GRM7: variants seen among roughly 807,000 people sequenced by gnomAD.
The protein encoded by GRM7 is metabotropic glutamate receptor 7.
Under a neutral mutation model 84.5 loss-of-function variants are expected in GRM7, and 35 were observed. The ratio of observed to expected loss-of-function variants is 0.41; its 90% confidence interval spans 0.32 to 0.55. GRM7 has a LOEUF of 0.55. GRM7 is among the 20% of genes least tolerant of loss of function. GRM7 has a pLI of 0.19. For missense variants in GRM7, 1,003 were observed against 1,194.6 expected (o/e 0.84, Z 2.36); for synonymous variants, 487 against 455.1 (o/e 1.07, Z -0.89).
intron 1 of GRM7, among the ~76,000 whole-genome samples, chr3:7,031,108 TCTC>T (rs1424932444): frequency 1.3e-5 from 2 of 152,166 alleles, no homozygotes; most frequent in Admixed American, 6.5e-5. Flanking sequence ...TAAATACCGT[TCTC>T]CTCATTTTAC....
intron 7 of GRM7, among the ~76,000 whole-genome samples, chr3:7,563,299 TAA>T (rs1470248030): frequency 6.6e-6 from 1 of 152,156 alleles, no homozygotes; most frequent in African/African-American, 2.4e-5. Context: ...TTCAAAGGCA[TAA>T]AAGAGGACAT....
chr3:7,690,704 T>A (rs141545980), intron 9 of GRM7, among the ~76,000 whole-genome samples: 6 of 152,354 alleles, frequency 3.9e-5, no homozygotes, highest in African/African-American at 1.4e-4. Context: ...GCACATGAAC[T>A]TGAAAGATTC....
intron 2 of GRM7, among the ~76,000 whole-genome samples, chr3:7,193,431 C>T (rs868810252): frequency 1.3e-5 from 2 of 152,010 alleles, no homozygotes; most frequent in Non-Finnish European, 2.9e-5. Context: ...AACATAAAAC[C>T]TTGTTGGCCA....
chr3:7,710,380 GC>G (rs1283925311), intron 9 of GRM7, among the ~76,000 whole-genome samples: 1 of 152,138 alleles, frequency 6.6e-6, no homozygotes, highest in African/African-American at 2.4e-5. Flanking sequence ...ACAAAGTGCA[GC>G]CCTGTCACTC....
chr3:7,287,849 G>GT (rs1192842941), intron 2 of GRM7, among the ~76,000 whole-genome samples: 2 of 152,030 alleles, frequency 1.3e-5, no homozygotes, highest in Non-Finnish European at 2.9e-5. Context: ...GACACTAAAG[G>GT]TAAGAGGAAA....
At chr3:7,609,845 TAAAGAAGGAAA>T (rs1410518590) in intron 8 of GRM7, among the ~76,000 whole-genome samples, 1 of 152,146 alleles carries the variant, frequency 6.6e-6, no homozygotes, top group Non-Finnish European at 1.5e-5. Flanking sequence ...ACCACTCCTT[TAAAGAAGGAAA>T]AATAAAACAA....
At chr3:7,014,636 A>G (rs1695497176) in intron 1 of GRM7, among the ~76,000 whole-genome samples, 1 of 152,170 alleles carries the variant, frequency 6.6e-6, no homozygotes, top group Non-Finnish European at 1.5e-5. Flanking sequence ...TATTTTGAAA[A>G]CAATAATAAC....
intron 1 of GRM7, among the ~76,000 whole-genome samples, chr3:7,075,495 G>GGTGTGTGTGTGT (rs1559422641): frequency 6.2e-5 from 6 of 96,930 alleles, no homozygotes; most frequent in African/African-American, 2.3e-4. Flanking sequence ...TTGCTTCTCA[G>GGTGTGTGTGTGT]ATGTGTGTGT....
intron 8 of GRM7, chr3:7,607,108 G>C (rs1696614905): frequency 6.6e-6 from 1 of 152,144 alleles, no homozygotes; most frequent in Non-Finnish European, 1.5e-5. Context: ...TTGTGTCTGT[G>C]GTTCTGCTCT....
chr3:7,548,460 C>T (rs188218722), intron 7 of GRM7, among the ~76,000 whole-genome samples: 3 of 152,212 alleles, frequency 2.0e-5, no homozygotes, highest in African/African-American at 7.2e-5. Flanking sequence ...ATAAATTTCC[C>T]AGCCTCAGGT....
rs956618562 is a variant in GRM7, at chr3:7,138,825, A to G, written c.520-7627A>G. ...AGACATTTATTAAATTCAGTGAAAG[A>G]AATCACAGGAAGTGCAGAATAGATT... On this transcript the variant is annotated intron_variant, in intron 1 of 9. Transcript: ENST00000357716. Among the ~76,000 whole-genome samples, 72 of 151,544 alleles carry G rather than the reference A, an allele frequency of 4.8e-4. 2 individuals carry two copies. The highest frequency in any genetic ancestry group is 7.4e-5 in the Non-Finnish European group (5 of 67,700).
At chr3:7,020,013 C>T (rs1164660958) in intron 1 of GRM7, among the ~76,000 whole-genome samples, 1 of 152,128 alleles carries the variant, frequency 6.6e-6, no homozygotes, top group Non-Finnish European at 1.5e-5. Flanking sequence ...CCACCACGCC[C>T]AGCTAATTTT....
chr3:7,377,684 G>T (rs34834953), intron 4 of GRM7, among the ~76,000 whole-genome samples: 21,122 of 152,120 alleles, frequency 0.14, 1,579 homozygotes, highest in African/African-American at 0.2. Flanking sequence ...TGGGCTTCTA[G>T]TCCCTGCAAG....
intron 3 of GRM7, among the ~76,000 whole-genome samples, chr3:7,305,848 T>C (rs188220151): frequency 9.9e-5 from 15 of 152,260 alleles, no homozygotes; most frequent in African/African-American, 3.6e-4. Context: ...TTTTCTGATC[T>C]ACCAATGCAG....
chr3:7,256,660 A>C (rs757989897), intron 2 of GRM7, among the ~76,000 whole-genome samples: 15 of 152,034 alleles, frequency 9.9e-5, no homozygotes, highest in Non-Finnish European at 1.5e-4. Flanking sequence ...CACACACACA[A>C]AAAATGAGAC....
intron 1 of GRM7, among the ~76,000 whole-genome samples, chr3:7,087,025 C>T (rs1231709640): frequency 1.3e-5 from 2 of 151,970 alleles, no homozygotes; most frequent in Non-Finnish European, 2.9e-5. Context: ...CTATGAGTGC[C>T]AAATAAAAGA....
intron 1 of GRM7, among the ~76,000 whole-genome samples, chr3:6,964,063 C>A (rs1220835840): frequency 6.6e-6 from 1 of 152,178 alleles, no homozygotes; most frequent in South Asian, 2.1e-4. Context: ...TTTCCTTACT[C>A]AATGCTTAAT....
At chr3:7,425,726 G>A (rs1235855450) in intron 5 of GRM7, among the ~76,000 whole-genome samples, 1 of 151,802 alleles carries the variant, frequency 6.6e-6, no homozygotes. Context: ...CACAGGTTCT[G>A]GTCAAGTTTA....
At chr3:7,075,669 G>A (rs905879913) in intron 1 of GRM7, among the ~76,000 whole-genome samples, 8 of 151,936 alleles carry the variant, frequency 5.3e-5, no homozygotes, top group Non-Finnish European at 1.0e-4. Flanking sequence ...GGGATTACAG[G>A]TGCCCGCCAC....
Sources: allele counts gnomAD v4.1 joint callset (sites outside exome capture counted in the v4.1 genomes callset), GRCh38; gene constraint gnomAD v4.1.1; transcripts MANE v1.5; gene names NCBI Gene and HGNC (gene_info 2026-07-23, HGNC 2026-07-21).